PLCD4: variants seen among roughly 807,000 people sequenced by gnomAD.
PLCD4 encodes phospholipase C delta 4.
Under a neutral mutation model 90.2 loss-of-function variants are expected in PLCD4, and 63 were observed. That is an observed-to-expected ratio of 0.70 (90% CI 0.57 to 0.86). PLCD4 has a LOEUF of 0.86. PLCD4 is among the 40% of genes least tolerant of loss of function. The pLI is 0.00. For synonymous variants in PLCD4, 294 were observed against 356.5 expected (o/e 0.82, Z 1.97); for missense variants, 830 against 956.3 (o/e 0.87, Z 1.74).
chr2:218,620,430 G>C (rs1331027159), intron 4 of PLCD4, among the ~76,000 whole-genome samples: 1 of 151,174 alleles, frequency 6.6e-6, no homozygotes, highest in Non-Finnish European at 1.5e-5. Context: ...CACTTGAACC[G>C]GAAAAGGTTG....
Position 218,618,989 on chromosome 2 carries a change from T to G in PLCD4, c.410+182T>G. 3 of 605,662 alleles carry G rather than the reference T, an allele frequency of 5.0e-6. No homozygotes were observed. In the South Asian group the frequency reaches 6.3e-5, roughly 13 times the overall value. 37.5% of individuals were successfully genotyped at this position (605,662 alleles called of 1,614,324 possible). A position where few individuals can be genotyped will look rare whatever the true frequency, so the allele number is the denominator to read the frequency against. On this transcript the variant is annotated intron_variant, in intron 4 of 15. Transcript: ENST00000450993. ...CTGAGAATACTGAGGGAGGAATGGA[T>G]GCCAAGGATCACATAGCCAGGCAGG...
chr2:218,628,475 C>G, intron 7 of PLCD4: 1 of 452,536 alleles, frequency 2.2e-6, no homozygotes, highest in East Asian at 3.3e-5. Context: ...GAGGCCCTGA[C>G]AGATTTATAT....
rs1040691052 is a variant in PLCD4 at position 218,616,179 on chromosome 2, T to C, written c.181+117T>C. ...GTGTTTGTGCTGTCCTAATTGTGGC[T>C]ATATCTGAGCCTGTAAAAGGAGATC... On this transcript the variant is annotated intron_variant, in intron 3 of 15. Coordinates refer to ENST00000450993, the MANE Select transcript of PLCD4 (RefSeq NM_032726.4). 6 of 1,192,012 alleles carry C rather than the reference T, an allele frequency of 5.0e-6. No individual in the cohort carries two copies. In the African/African-American group the frequency reaches 9.0e-5, roughly 18 times the overall value. 73.8% of individuals were successfully genotyped at this position (1,192,012 alleles called of 1,614,324 possible).
chr2:218,633,147 C>T (rs1696480524), intron 10 of PLCD4: 3 of 525,180 alleles, frequency 5.7e-6, no homozygotes, highest in Non-Finnish European at 1.0e-5. Flanking sequence ...CCAGGTGTGA[C>T]TTACATGACC....
At chr2:218,631,993 G>T in intron 9 of PLCD4, 143 bp from the exon 10 acceptor site, 1 of 765,826 alleles carries the variant, frequency 1.3e-6, no homozygotes. Context: ...CCAATTGTAT[G>T]TATCAAGCAG....
chr2:218,635,406 T>C (rs886710456), intron 13 of PLCD4, among the ~76,000 whole-genome samples: 4 of 152,172 alleles, frequency 2.6e-5, no homozygotes, highest in African/African-American at 9.7e-5. Context: ...TGGCATGATC[T>C]TGGCTCACTG....
chr2:218,620,652 G>C (rs1446118549), intron 4 of PLCD4, among the ~76,000 whole-genome samples: 1 of 151,698 alleles, frequency 6.6e-6, no homozygotes, highest in Non-Finnish European at 1.5e-5. Context: ...GGAGGTTGAG[G>C]CTGTAGTGAG....
Position 218,634,566 on chromosome 2 carries a change from T to G in PLCD4, c.1832T>G (p.Ile611Ser), listed in dbSNP as rs1190890335. ...CTGAAGCCAGACTTCCTGCGTGATA[T>G]CCAGAGTTCTTTCCACCCTGAGAAG... ...YVLKPDFLRD[I>S]QSSFHPEKPI... Residue 611 changes from isoleucine to serine, a missense_variant, in exon 13 of 16, where the codon ATC (isoleucine) becomes AGC (serine). By Grantham distance (142) the Ile-to-Ser change is moderately radical (BLOSUM62 -2). Transcript: ENST00000450993. This position sits in a 1 kb window ranked among gnomAD's most constrained non-coding sequence, Gnocchi z 4.0. 2 of 1,614,012 alleles carry G rather than the reference T, an allele frequency of 1.2e-6. No homozygotes were observed. The highest frequency in any genetic ancestry group is 3.3e-5 in the Admixed American group (2 of 60,026).
intron 3 of PLCD4, among the ~76,000 whole-genome samples, chr2:218,616,934 A>ATG (rs1199144362): frequency 2.9e-4 from 5 of 17,442 alleles, no homozygotes; most frequent in Non-Finnish European, 5.2e-4. Flanking sequence ...ATATAGAGAG[A>ATG]GAGAGAGAGA....
chr2:218,617,854 A>T (rs1439462359), intron 3 of PLCD4, among the ~76,000 whole-genome samples: 1 of 152,154 alleles, frequency 6.6e-6, no homozygotes, highest in East Asian at 1.9e-4. Flanking sequence ...TGGGAGGCCT[A>T]GGCGGGTGGA....
chr2:218,614,625 T>A (rs1695498724), intron 1 of PLCD4, among the ~76,000 whole-genome samples: 1 of 151,220 alleles, frequency 6.6e-6, no homozygotes, highest in Non-Finnish European at 1.5e-5. Context: ...AATTTTTTTG[T>A]ATTACTAGTG....
chr2:218,615,953 GC>G lies in PLCD4; in HGVS notation c.73del (p.Arg25AlafsTer3). On this transcript the variant is annotated frameshift_variant, in exon 3 of 16. Coordinates refer to ENST00000450993, the MANE Select transcript of PLCD4 (RefSeq NM_032726.4). LOFTEE classifies it high-confidence loss of function. ...LLLMQEGMPM[R>X]KVRSKSWKKL... is the part of the protein sequence containing the mutation. ...TGCTGATGCAGGAAGGCATGCCGAT[GC>G]GCAAGGTGAGGTCCAAAAGCTGGAA... 1 of 1,614,064 alleles carries G rather than the reference GC, an allele frequency of 6.2e-7. No individual in the cohort carries two copies. Among genetic ancestry groups the G allele is most frequent in the South Asian group, 1.1e-5 (1 of 91,084 alleles).
chr2:218,612,299 TC>T (rs956415192), intron 1 of PLCD4, among the ~76,000 whole-genome samples: 1 of 152,244 alleles, frequency 6.6e-6, no homozygotes, highest in Non-Finnish European at 1.5e-5. Context: ...GAGATGATTT[TC>T]TGGCTCTCAG....
intron 13 of PLCD4, among the ~76,000 whole-genome samples, chr2:218,635,178 G>C (rs1289772457): frequency 1.3e-5 from 2 of 152,078 alleles, no homozygotes; most frequent in East Asian, 3.9e-4. Flanking sequence ...TAAGGCTGGA[G>C]GGTCACTTTA....
rs968245885 is a variant in PLCD4 at position 218,621,323 on chromosome 2, T to A, written c.411-147T>A. 1.3e-5 allele frequency: 12 copies of A among 914,170 alleles called. No individual in the cohort carries two copies. The African/African-American group carries it at 1.3e-4, about 10-fold the overall frequency. The allele number at this position is 914,170 out of a possible 1,614,324, so 56.6% of individuals were successfully genotyped here. On this transcript the variant is annotated intron_variant, in intron 4 of 15. Transcript: ENST00000450993. ...AGATAGATTGGTGCTCTAGAGAGAT[T>A]ATTCTAGAAGCTGTGTGGAGAATGG...
chr2:218,616,741 A>ACATACATACATG (rs1695597274), intron 3 of PLCD4, among the ~76,000 whole-genome samples: 1 of 148,056 alleles, frequency 6.8e-6, no homozygotes. Flanking sequence ...ATACATACAT[A>ACATACATACATG]CATACATACA....
intron 6 of PLCD4, among the ~76,000 whole-genome samples, chr2:218,624,537 G>A (rs1232518111): frequency 6.6e-6 from 1 of 151,932 alleles, no homozygotes. Context: ...TGGCCAACAT[G>A]GTAAAACTCT....
At chr2:218,616,712 T>C (rs904484636) in intron 3 of PLCD4, among the ~76,000 whole-genome samples, 7 of 137,490 alleles carry the variant, frequency 5.1e-5, no homozygotes, top group African/African-American at 1.5e-4. Flanking sequence ...ACCCTGTCTC[T>C]ACAAAAATAC....
rs571657720 is a variant in PLCD4, at chr2:218,625,244, A to G, written c.772+2366A>G. On this transcript the variant is annotated intron_variant, in intron 6 of 15. Transcript: ENST00000450993. ...AAAAAGCAAGAAAGAAAAGAGAAAT[A>G]GGATCTTTTGTTACCTGTGCAGGAT... Among the ~76,000 whole-genome samples, 3 of 151,784 alleles carry G rather than the reference A, an allele frequency of 2.0e-5. No individual in the cohort carries two copies. The East Asian group carries it at 5.8e-4, about 29-fold the overall frequency.
Sources: gnomAD v4.1 joint callset for allele counts (sites outside exome capture counted in the v4.1 genomes callset) on GRCh38, gnomAD v4.1.1 for gene constraint, Gnocchi (gnomAD v3.1) non-coding constraint, MANE v1.5 for transcripts, NCBI Gene and HGNC (gene_info 2026-07-23, HGNC 2026-07-21) for gene names.